The following PROS1 variants were observed in gnomAD, a reference collection of about 807,000 sequenced individuals.
The protein encoded by PROS1 is vitamin K-dependent protein S.
In PROS1, 29 loss-of-function variants were observed where a neutral mutation model predicts 75.9. The observed-to-expected ratio is 0.38, with a 90% CI of 0.28 to 0.52. The LOEUF (loss-of-function observed/expected upper bound fraction) is 0.52. Among genes scored for constraint, PROS1 ranks in the 20% least tolerant of loss-of-function variants. The probability of loss-of-function intolerance (pLI) is 0.83; values close to 1 mark genes in which losing one functional copy is unlikely to be tolerated. For missense variants in PROS1, 680 were observed against 810.3 expected (o/e 0.84, Z 1.95); for synonymous variants, 245 against 280.6 (o/e 0.87, Z 1.27).
chr3:93,936,610 C>A (rs1052172535), intron 1 of PROS1, among the ~76,000 whole-genome samples: 13 of 152,098 alleles, frequency 8.5e-5, no homozygotes, highest in Non-Finnish European at 1.6e-4. Flanking sequence ...AAGCCTGCAC[C>A]AGAAACTGAG....
chr3:93,927,113 G>C, intron 2 of PROS1, 137 bp downstream of exon 2: 2 of 1,093,496 alleles, frequency 1.8e-6, no homozygotes, highest in Non-Finnish European at 2.7e-6. Flanking sequence ...CTCCTGAAAT[G>C]GAAGTGGTTA....
At position 93,906,263 on chromosome 3, in the gene PROS1, T is replaced by G; in HGVS notation, c.347-120A>C. 3 of 1,041,762 alleles carry G rather than the reference T, an allele frequency of 2.9e-6. No homozygotes were observed. In the South Asian group the frequency reaches 4.7e-5, roughly 16 times the overall value. 64.5% of individuals were successfully genotyped at this position (1,041,762 alleles called of 1,614,324 possible). A position where few individuals can be genotyped will look rare whatever the true frequency, so the allele number is the denominator to read the frequency against. On this transcript the variant is annotated intron_variant, in intron 4 of 14. Transcript: ENST00000394236. ...AATGAAAAAAAAACACACAACTCCT[T>G]TCTTTAAATAATACTTTTCCTAAAT...
chr3:93,973,006 TAAAG>T (rs1709903292), intron 1 of PROS1, among the ~76,000 whole-genome samples: 1 of 152,096 alleles, frequency 6.6e-6, no homozygotes, highest in Admixed American at 6.5e-5. Context: ...CATAAGGACA[TAAAG>T]AACCTGAAAC....
intron 1 of PROS1, among the ~76,000 whole-genome samples, chr3:93,968,343 C>T (rs912404179): frequency 6.6e-6 from 1 of 152,096 alleles, no homozygotes; most frequent in African/African-American, 2.4e-5. Flanking sequence ...GGAATAATGC[C>T]ACCCCAAAGC....
In PROS1 at chr3:93,877,019, A is replaced by G. The variant is rs765135930; in HGVS notation, c.1817T>C (p.Val606Ala). Residue 606 changes from valine to alanine, a missense_variant, in exon 14 of 15, where the codon GTC (valine) becomes GCC (alanine). Coordinates refer to ENST00000394236, the MANE Select transcript of PROS1 (RefSeq NM_000313.4). The stretch of plus-strand genomic sequence containing the variant: ...TTTTGCTTTCATTGCTTTGTCCAAG[A>G]CGGCAAGTTGTCTTTGAAGGTCTTC... ...SHEDLQRQLAVLDKAMKAKVA... is the reference protein window; with the variant it reads ...SHEDLQRQLAALDKAMKAKVA... 1.2e-6 allele frequency: 2 copies of G among 1,613,996 alleles called. No individual in the cohort carries two copies. The highest frequency in any genetic ancestry group is 1.7e-6 in the Non-Finnish European group (2 of 1,179,912).
At chr3:93,948,762 T>G (rs182496851) in intron 1 of PROS1, among the ~76,000 whole-genome samples, 1 of 152,352 alleles carries the variant, frequency 6.6e-6, no homozygotes, top group Admixed American at 6.5e-5. Context: ...GTTTTATGCG[T>G]GCCAGATCTG....
chr3:93,881,836 G>C (rs926946594), intron 12 of PROS1, among the ~76,000 whole-genome samples: 1 of 151,928 alleles, frequency 6.6e-6, no homozygotes, highest in Non-Finnish European at 1.5e-5. Flanking sequence ...TAAAGTGCTG[G>C]GATTATAAGT....
chr3:93,929,900 A>G (rs186177061), intron 1 of PROS1, among the ~76,000 whole-genome samples: 173 of 152,346 alleles, frequency 1.1e-3, no homozygotes, highest in Non-Finnish European at 1.6e-3. Flanking sequence ...AGTAATATAA[A>G]TGTCTGAATT....
In PROS1 at chr3:93,893,140, A is replaced by G; in HGVS notation, c.966-18T>C. On this transcript the variant is annotated intron_variant, in intron 9 of 14. Coordinates refer to ENST00000394236, the MANE Select transcript of PROS1 (RefSeq NM_000313.4). ...CTGAAAATCTAAACAATGGACAAAG[A>G]GAGATCCTTAAGAGTAAGAAATACA... 1.3e-6 allele frequency: 2 copies of G among 1,595,876 alleles called. No homozygotes were observed. The highest frequency in any genetic ancestry group is 8.6e-7 in the Non-Finnish European group (1 of 1,166,998).
chr3:93,911,724 G>A (rs75687411), intron 3 of PROS1, among the ~76,000 whole-genome samples: 2 of 152,304 alleles, frequency 1.3e-5, no homozygotes, highest in Admixed American at 6.5e-5. Context: ...TGGTCTTAAA[G>A]TGGCACTTCT....
chr3:93,925,961 T>C (rs1218096125), intron 2 of PROS1, among the ~76,000 whole-genome samples: 3 of 152,138 alleles, frequency 2.0e-5, no homozygotes, highest in African/African-American at 7.2e-5. Flanking sequence ...TGAGTTTTCC[T>C]TCCTCACTAT....
intron 1 of PROS1, among the ~76,000 whole-genome samples, chr3:93,957,759 G>T (rs1444430447): frequency 6.6e-6 from 1 of 152,162 alleles, no homozygotes; most frequent in Admixed American, 6.5e-5. Flanking sequence ...ATCACTTATT[G>T]TATTAGGCCA....
At chr3:93,919,577 T>C (rs1281970705) in intron 3 of PROS1, among the ~76,000 whole-genome samples, 1 of 152,180 alleles carries the variant, frequency 6.6e-6, no homozygotes, top group Non-Finnish European at 1.5e-5. Flanking sequence ...TTACTATTCA[T>C]GTCTCTCTTG....
chr3:93,937,450 C>G (rs1159303605), intron 1 of PROS1, among the ~76,000 whole-genome samples: 1 of 150,824 alleles, frequency 6.6e-6, no homozygotes, highest in East Asian at 2.0e-4. Flanking sequence ...TCACTGCAAG[C>G]TCCGCCTCCT....
intron 1 of PROS1, among the ~76,000 whole-genome samples, chr3:93,969,672 CCTTCTGTAGGCCTGG>C (rs1213774006): frequency 8.5e-5 from 13 of 152,288 alleles, no homozygotes; most frequent in African/African-American, 2.9e-4. Context: ...TGTTCGCATT[CCTTCTGTAGGCCTGG>C]CTTCTGTAGG....
intron 12 of PROS1, among the ~76,000 whole-genome samples, chr3:93,881,487 T>A (rs891606108): frequency 2.0e-5 from 3 of 151,988 alleles, no homozygotes; most frequent in African/African-American, 7.3e-5. Flanking sequence ...AATATATGCA[T>A]GTAAGAAATC....
intron 1 of PROS1, among the ~76,000 whole-genome samples, chr3:93,961,198 G>T (rs1385861775): frequency 6.6e-6 from 1 of 152,134 alleles, no homozygotes; most frequent in Non-Finnish European, 1.5e-5. Context: ...CATGTGAAAA[G>T]GCCATAGGGG....
At position 93,877,543 on chromosome 3, in the gene PROS1, G is replaced by T. The variant is rs534461283; in HGVS notation, c.1645-352C>A. Reference sequence around the variant, plus strand: ...AAGTTTACATATGAAAAGGGAAGGAGTTGAATCACTCTTTGTTGAGAAAAG... The same window carrying T: ...AAGTTTACATATGAAAAGGGAAGGATTTGAATCACTCTTTGTTGAGAAAAG... On this transcript the variant is annotated intron_variant, in intron 13 of 14. Coordinates refer to ENST00000394236, the MANE Select transcript of PROS1 (RefSeq NM_000313.4). Among the ~76,000 whole-genome samples the T allele has an allele frequency of 3.3e-5, 5 of 152,312 alleles. No individual in the cohort carries two copies. In the East Asian group the frequency reaches 9.7e-4, roughly 29 times the overall value.
intron 9 of PROS1, among the ~76,000 whole-genome samples, chr3:93,896,326 A>G (rs1201069164): frequency 6.6e-6 from 1 of 152,212 alleles, no homozygotes; most frequent in African/African-American, 2.4e-5. Flanking sequence ...TACAAAAGGA[A>G]TAATATGGAA....
Sources: gnomAD v4.1 joint callset for allele counts (sites outside exome capture counted in the v4.1 genomes callset) on GRCh38, gnomAD v4.1.1 for gene constraint, MANE v1.5 for transcripts, NCBI Gene and HGNC (gene_info 2026-07-23, HGNC 2026-07-21) for gene names.